CGNL1: variants seen among roughly 807,000 people sequenced by gnomAD.
CGNL1 encodes the protein cingulin-like protein 1.
A neutral mutation model predicts 141.2 loss-of-function variants in CGNL1; 132 were observed. That is an observed-to-expected ratio of 0.93 (90% CI 0.81 to 1.08). CGNL1 has a LOEUF of 1.08. CGNL1 is among the 50% of genes least tolerant of loss of function. CGNL1 has a pLI of 0.00. For missense variants in CGNL1, 1,870 were observed against 1,588.6 expected (o/e 1.18, Z -3.01); for synonymous variants, 690 against 622.1 (o/e 1.11, Z -1.63).
intron 1 of CGNL1, among the ~76,000 whole-genome samples, 159 bp from the exon 2 acceptor site, chr15:57,437,826 G>A (rs1233757917): frequency 6.6e-6 from 1 of 152,128 alleles, no homozygotes; most frequent in Admixed American, 6.5e-5. Flanking sequence ...GTCACCAGAG[G>A]GCTGCCCTTC....
At chr15:57,492,716 A>G (rs2063884031) in intron 8 of CGNL1, among the ~76,000 whole-genome samples, 2 of 151,992 alleles carry the variant, frequency 1.3e-5, no homozygotes, top group Non-Finnish European at 2.9e-5. Context: ...AAAACCCAAA[A>G]CATTTCCTCA....
At position 57,524,605 on chromosome 15, in the gene CGNL1, C is replaced by T. The variant is rs757866118; in HGVS notation, c.2893C>T (p.Arg965Cys). The change falls in exon 12 of 19, where the codon CGT becomes TGT. Residue 965 changes from arginine (R) to cysteine (C), a missense_variant. Transcript: ENST00000281282. ...KEMADIVEASRTSTLELQNQL... is the reference protein window; with the variant it reads ...KEMADIVEASCTSTLELQNQL... Reference sequence around the variant, plus strand: ...GATGGCAGACATTGTTGAGGCCTCCCGTACCTCAACCCTGGAGCTCCAGAA... The same window carrying T: ...GATGGCAGACATTGTTGAGGCCTCCTGTACCTCAACCCTGGAGCTCCAGAA... The T allele has an allele frequency of 1.4e-5, 23 of 1,613,696 alleles. 1 individual carries two copies. The highest frequency in any genetic ancestry group is 6.7e-5 in the African/African-American group (5 of 74,990).
At chr15:57,472,783 T>C (rs1171845787) in intron 8 of CGNL1, among the ~76,000 whole-genome samples, 1 of 152,182 alleles carries the variant, frequency 6.6e-6, no homozygotes, top group East Asian at 1.9e-4. Context: ...GGATGAGAGA[T>C]GATAGGGCTT....
chr15:57,430,177 A>G (rs2063027795), intron 1 of CGNL1, among the ~76,000 whole-genome samples: 1 of 152,250 alleles, frequency 6.6e-6, no homozygotes. Context: ...CATCACTGAC[A>G]GTCTGACTTT....
At chr15:57,442,182 G>GGA (rs1491455852) in intron 3 of CGNL1, among the ~76,000 whole-genome samples, 191 bp from the exon 4 acceptor site, 10 of 96,512 alleles carry the variant, frequency 1.0e-4, no homozygotes, top group East Asian at 3.6e-4. Context: ...TCATTTATTT[G>GGA]AAAAAAAAAA....
At chr15:57,409,671 C>CGTGGA (rs1375659012) in intron 1 of CGNL1, among the ~76,000 whole-genome samples, 15 of 152,034 alleles carry the variant, frequency 9.9e-5, no homozygotes, top group Admixed American at 3.3e-4. Context: ...CCCGAGAGGG[C>CGTGGA]GTGGAGTTGA....
At chr15:57,490,646 A>G (rs146260863) in intron 8 of CGNL1, among the ~76,000 whole-genome samples, 1 of 152,310 alleles carries the variant, frequency 6.6e-6, no homozygotes, top group Non-Finnish European at 1.5e-5. Flanking sequence ...TTATTTAGAT[A>G]TATTGCCTTC....
chr15:57,445,208 A>G (rs548835128), intron 4 of CGNL1, among the ~76,000 whole-genome samples: 1 of 152,314 alleles, frequency 6.6e-6, no homozygotes, highest in East Asian at 1.9e-4. Flanking sequence ...GCAGTGAGCT[A>G]TGATTGTGCC....
intron 8 of CGNL1, among the ~76,000 whole-genome samples, chr15:57,491,692 G>T (rs1213366433): frequency 6.6e-6 from 1 of 152,194 alleles, no homozygotes. Flanking sequence ...AAGAACAGAT[G>T]AATCTCCGTT....
In CGNL1 at chr15:57,392,057, G is replaced by T. The variant is rs564233406; in HGVS notation, c.-16+15490G>T. Among the ~76,000 whole-genome samples, 37 of 150,170 alleles carry T rather than the reference G, an allele frequency of 2.5e-4. 1 individual carries two copies. The highest frequency in any genetic ancestry group is 5.6e-4 in the African/African-American group (23 of 40,770). On this transcript the variant is annotated intron_variant, in intron 1 of 18. Coordinates refer to ENST00000281282, the MANE Select transcript of CGNL1 (RefSeq NM_032866.5). ...TGGTGAAAAAAAAGTCTTAATTTTT[G>T]ATTGTGAATATCAATTTCTGGAACC...
At chr15:57,503,920 T>G (rs1376407236) in intron 8 of CGNL1, among the ~76,000 whole-genome samples, 1 of 152,060 alleles carries the variant, frequency 6.6e-6, no homozygotes, top group Non-Finnish European at 1.5e-5. Context: ...GAGATACAAT[T>G]CAAATTGAGA....
chr15:57,481,992 G>A (rs573207576), intron 8 of CGNL1, among the ~76,000 whole-genome samples: 6 of 152,070 alleles, frequency 3.9e-5, no homozygotes, highest in Non-Finnish European at 7.4e-5. Context: ...GTGGTTTTAC[G>A]CAGTTTTCTA....
At chr15:57,387,306 A>G (rs1268596153) in intron 1 of CGNL1, among the ~76,000 whole-genome samples, 2 of 152,200 alleles carry the variant, frequency 1.3e-5, no homozygotes, top group Admixed American at 6.5e-5. Context: ...TCTTTTTTGC[A>G]GAGCACCCCA....
chr15:57,431,689 G>T (rs1278960516), intron 1 of CGNL1, among the ~76,000 whole-genome samples: 1 of 152,004 alleles, frequency 6.6e-6, no homozygotes, highest in Non-Finnish European at 1.5e-5. Context: ...TGCGCCCAAA[G>T]CAAATTCGTA....
chr15:57,427,218 A>G (rs2062985639), intron 1 of CGNL1, among the ~76,000 whole-genome samples: 1 of 152,198 alleles, frequency 6.6e-6, no homozygotes, highest in Admixed American at 6.5e-5. Flanking sequence ...ACCTGAATTT[A>G]TACATGTAGC....
chr15:57,452,055 G>C (rs2063328232), intron 5 of CGNL1, 86 bp from the exon 6 acceptor site: 1 of 1,183,850 alleles, frequency 8.4e-7, no homozygotes, highest in Non-Finnish European at 1.2e-6. Flanking sequence ...GCAAAGATAT[G>C]GAGTCTGCTT....
intron 14 of CGNL1, among the ~76,000 whole-genome samples, chr15:57,537,397 G>A (rs28672256): frequency 0.017 from 2,628 of 151,948 alleles, 75 homozygotes; most frequent in African/African-American, 0.06. Flanking sequence ...TGGGACCGTC[G>A]TCTTTGCAGT....
intron 1 of CGNL1, among the ~76,000 whole-genome samples, chr15:57,415,350 A>G (rs1265693841): frequency 1.3e-5 from 2 of 152,194 alleles, no homozygotes; most frequent in Non-Finnish European, 2.9e-5. Context: ...TATATGGGAG[A>G]CAGGGAGGCA....
intron 8 of CGNL1, among the ~76,000 whole-genome samples, chr15:57,466,049 A>G (rs1024570151): frequency 2.0e-5 from 3 of 152,224 alleles, no homozygotes; most frequent in Non-Finnish European, 2.9e-5. Context: ...AATGAATTGC[A>G]TCTCACTGGC....
Sources: gnomAD v4.1 joint callset for allele counts (sites outside exome capture counted in the v4.1 genomes callset) on GRCh38, gnomAD v4.1.1 for gene constraint, MANE v1.5 for transcripts, NCBI Gene and HGNC (gene_info 2026-07-23, HGNC 2026-07-21) for gene names.